The following TNPO3 variants were observed in gnomAD, a reference collection of about 807,000 sequenced individuals.
TNPO3 encodes the protein transportin-3.
Under a neutral mutation model 122.8 loss-of-function variants are expected in TNPO3, and 65 were observed. That is an observed-to-expected ratio of 0.53 (90% confidence interval 0.43 to 0.65). The LOEUF (loss-of-function observed/expected upper bound fraction) is 0.65. TNPO3 is among the 30% of genes least tolerant of loss of function. The probability of loss-of-function intolerance (pLI) is 0.00; values close to 1 mark genes in which losing one functional copy is unlikely to be tolerated. For missense variants in TNPO3, 850 were observed against 1,136.7 expected, an observed-to-expected ratio of 0.75 and a Z score of 3.63; for synonymous variants, 372 against 411.2, an observed-to-expected ratio of 0.90 and a Z score of 1.15.
At position 129,005,106 on chromosome 7, in the gene TNPO3, A is replaced by G. The variant is rs1802419651; in HGVS notation, c.606T>C (p.Phe202=). Residue 202 remains phenylalanine (F), a synonymous_variant, in exon 5 of 23, where the codon TTT becomes TTC. Coordinates refer to ENST00000265388, the MANE Select transcript of TNPO3 (RefSeq NM_012470.4). ...AGTTAAACCAACTTCCCAAACAGCG[A>G]AAAACCTTCATAAGCATTTTCTCAT... The part of the protein sequence containing the change: ...GTDEKMLMKV[F]RCLGSWFNLG... The G allele has an allele frequency of 1.2e-6, 2 of 1,613,948 alleles. No homozygotes were observed. Among genetic ancestry groups the G allele is most frequent in the South Asian group, 2.2e-5 (2 of 91,082 alleles).
intron 3 of TNPO3, 43 bp downstream of exon 3, chr7:129,016,940 G>A: frequency 1.3e-6 from 2 of 1,569,438 alleles, no homozygotes; most frequent in Non-Finnish European, 1.8e-6. Flanking sequence ...GTAGGTTAAT[G>A]GCAATTCCAA....
intron 4 of TNPO3, among the ~76,000 whole-genome samples, chr7:129,006,681 A>T (rs553780368): frequency 8.7e-4 from 132 of 152,314 alleles, no homozygotes; most frequent in African/African-American, 3.1e-3. Flanking sequence ...CTAAATAGTG[A>T]TATTTGTGGT....
At position 128,970,190 on chromosome 7, in the gene TNPO3, A is replaced by G. The variant is rs769920352; in HGVS notation, c.2556T>C (p.Asp852=). The change falls in exon 20 of 23, where the codon GAT becomes GAC. Residue 852 remains aspartate (D), a synonymous_variant. Transcript: ENST00000265388. ...CFCLPPYTLP[D]VAEVLWEIMQ... The stretch of plus-strand genomic sequence containing the variant: ...TGATCTCCCAGAGCACTTCAGCCAC[A>G]TCTGGTAGGGTATAGGGGGGGAGGC... 1 of 1,614,156 alleles carries G rather than the reference A, an allele frequency of 6.2e-7. No individual in the cohort carries two copies. The highest frequency in any genetic ancestry group is 8.5e-7 in the Non-Finnish European group (1 of 1,180,028).
At chr7:128,982,451 A>G in intron 13 of TNPO3, 127 bp from the exon 14 acceptor site, 1 of 725,098 alleles carries the variant, frequency 1.4e-6, no homozygotes, top group Non-Finnish European at 2.2e-6. Flanking sequence ...AAAAGTATAT[A>G]AACTCCTAAA....
In TNPO3 at chr7:128,970,452, A is replaced by G. The variant is rs376040084; in HGVS notation, c.2431-137T>C. The G allele has an allele frequency of 7.9e-5, 54 of 685,682 alleles. No homozygotes were observed. The East Asian group carries it at 1.3e-3, about 16-fold the overall frequency. 42.5% of individuals were successfully genotyped at this position (685,682 alleles called of 1,614,324 possible). ...TGCACGCGTGGCTGTGTGTGTGTGTATGCAGGTGTGTGTAAAATGACAGCT... is the reference window on the plus strand; with the variant it reads ...TGCACGCGTGGCTGTGTGTGTGTGTGTGCAGGTGTGTGTAAAATGACAGCT... On this transcript the variant is annotated intron_variant, in intron 19 of 22. Coordinates refer to ENST00000265388, the MANE Select transcript of TNPO3 (RefSeq NM_012470.4).
At chr7:129,047,323 G>T in intron 1 of TNPO3, among the ~76,000 whole-genome samples, 1 of 152,084 alleles carries the variant, frequency 6.6e-6, no homozygotes, top group Non-Finnish European at 1.5e-5. Context: ...TCCTTCAATA[G>T]CTCTCTACAA....
chr7:129,048,576 C>T (rs2150563297), intron 1 of TNPO3, among the ~76,000 whole-genome samples: 1 of 151,774 alleles, frequency 6.6e-6, no homozygotes, highest in Admixed American at 6.6e-5. Flanking sequence ...AAAAGTTCCT[C>T]TCCCTTTCTG....
Position 129,000,453 on chromosome 7 carries a change from G to C in TNPO3, c.987C>G (p.Ile329Met). ...GDLRTLELLL[I>M]CAGHPQYEVV... ...CCTCATATTGAGGATGGCCTGCACA[G>C]ATAAGCAGCAGCTCCAGAGTTCGAA... The change falls in exon 7 of 23, where the codon ATC becomes ATG. Residue 329 changes from isoleucine to methionine, a missense_variant. Ile to Met is a conservative substitution (Grantham distance 10). Coordinates refer to ENST00000265388, the MANE Select transcript of TNPO3 (RefSeq NM_012470.4). 1.2e-6 allele frequency: 2 copies of C among 1,614,122 alleles called. No individual in the cohort carries two copies. Among genetic ancestry groups the C allele is most frequent in the Non-Finnish European group, 1.7e-6 (2 of 1,180,002 alleles).
intron 7 of TNPO3, among the ~76,000 whole-genome samples, chr7:128,999,276 T>C (rs1801669488): frequency 6.6e-6 from 1 of 152,252 alleles, no homozygotes; most frequent in Admixed American, 6.5e-5. Flanking sequence ...CATGTCACTT[T>C]TATTCACCTG....
intron 1 of TNPO3, among the ~76,000 whole-genome samples, chr7:129,020,943 A>C (rs1804419341): frequency 6.6e-6 from 1 of 152,204 alleles, no homozygotes; most frequent in Non-Finnish European, 1.5e-5. Context: ...GTCTCAGTAA[A>C]TGTGGAAGCA....
Position 128,955,328 on chromosome 7 carries a change from T to C in TNPO3, c.*89A>G, listed in dbSNP as rs1478244502. On this transcript the variant is annotated 3_prime_UTR_variant, in exon 23 of 23. Transcript: ENST00000265388. ...CCTCTGCCACAACGGAGGTTTCTGATTGTGGGACACAGTCTGGTTTTTGTT... is the reference window on the plus strand; with the variant it reads ...CCTCTGCCACAACGGAGGTTTCTGACTGTGGGACACAGTCTGGTTTTTGTT... 1.3e-5 allele frequency: 6 copies of C among 456,020 alleles called. No homozygotes were observed. The highest frequency in any genetic ancestry group is 2.2e-5 in the Non-Finnish European group (5 of 226,934). The allele number at this position is 456,020 out of a possible 1,614,324, so 28.2% of individuals were successfully genotyped here. A position where few individuals can be genotyped will look rare whatever the true frequency, so the allele number is the denominator to read the frequency against.
intron 1 of TNPO3, among the ~76,000 whole-genome samples, chr7:129,049,318 A>T (rs1409458728): frequency 6.6e-6 from 1 of 152,242 alleles, no homozygotes. Context: ...AAGGTCCCAG[A>T]AATTTCAGAA....
rs1585337757 is a variant in TNPO3 at position 128,989,875 on chromosome 7, G to A, written c.1498+86C>T. Reference sequence around the variant, plus strand: ...ACACTCCGTGTTAAAAAAACAGAAAGGAAAACACATGCAAAAGTAAGAGAT... The same window carrying A: ...ACACTCCGTGTTAAAAAAACAGAAAAGAAAACACATGCAAAAGTAAGAGAT... On this transcript the variant is annotated intron_variant, in intron 11 of 22. Coordinates refer to ENST00000265388, the MANE Select transcript of TNPO3 (RefSeq NM_012470.4). 3.3e-6 allele frequency: 5 copies of A among 1,501,036 alleles called. No homozygotes were observed. In the East Asian group the frequency reaches 6.9e-5, roughly 21 times the overall value. The allele number at this position is 1,501,036 out of a possible 1,614,324, so 93.0% of individuals were successfully genotyped here.
intron 21 of TNPO3, among the ~76,000 whole-genome samples, chr7:128,957,718 T>A (rs1169579843): frequency 6.6e-6 from 1 of 152,232 alleles, no homozygotes; most frequent in Non-Finnish European, 1.5e-5. Context: ...TAGTATTCAA[T>A]AAATGTAGGC....
intron 5 of TNPO3, among the ~76,000 whole-genome samples, chr7:129,001,639 T>C (rs1335457018): frequency 6.6e-6 from 1 of 151,802 alleles, no homozygotes; most frequent in East Asian, 2.1e-4. Flanking sequence ...TTAGAGCCTC[T>C]TTCTTTCTTT....
intron 4 of TNPO3, among the ~76,000 whole-genome samples, chr7:129,007,655 C>A (rs1802717542): frequency 2.0e-5 from 3 of 152,192 alleles, no homozygotes; most frequent in Admixed American, 2.0e-4. Flanking sequence ...AGACTCACTT[C>A]CGCTCATTTT....
chr7:129,009,640 A>G (rs1267509558), intron 4 of TNPO3, among the ~76,000 whole-genome samples: 1 of 152,266 alleles, frequency 6.6e-6, no homozygotes, highest in East Asian at 1.9e-4. Context: ...CTGCTGTGGC[A>G]GTAACCATGA....
chr7:129,023,919 C>A (rs927918972), intron 1 of TNPO3, among the ~76,000 whole-genome samples: 1 of 152,126 alleles, frequency 6.6e-6, no homozygotes, highest in African/African-American at 2.4e-5. Context: ...CACTTCACAA[C>A]CCACAATTAA....
chr7:129,055,304 A>C (rs1809366514), upstream of TNPO3: 1 of 157,666 alleles, frequency 6.3e-6, no homozygotes, highest in Admixed American at 6.0e-5. Context: ...ATTAGCGCCG[A>C]GATGTGCCCC....
Sources: allele counts gnomAD v4.1 joint callset (sites outside exome capture counted in the v4.1 genomes callset), GRCh38; gene constraint gnomAD v4.1.1; transcripts MANE v1.5; gene names NCBI Gene and HGNC (gene_info 2026-07-23, HGNC 2026-07-21).